KLHL28: variants seen among roughly 807,000 people sequenced by gnomAD.
KLHL28 encodes kelch like family member 28.
Under a neutral mutation model 48.3 loss-of-function variants are expected in KLHL28, and 22 were observed. That is an observed-to-expected ratio of 0.46 (90% CI 0.33 to 0.65). The LOEUF is 0.65. KLHL28 is among the 30% of genes least tolerant of loss of function. The pLI is 0.03. For synonymous variants in KLHL28, 243 were observed against 242.4 expected (o/e 1.00, Z -0.02); for missense variants, 527 against 704.3 (o/e 0.75, Z 2.85).
intron 1 of KLHL28, among the ~76,000 whole-genome samples, chr14:44,959,893 C>T (rs533135589): frequency 2.6e-5 from 4 of 151,994 alleles, no homozygotes; most frequent in Admixed American, 1.3e-4. Flanking sequence ...AGTCAATATA[C>T]GAGAAATTCC....
intron 1 of KLHL28, among the ~76,000 whole-genome samples, chr14:44,957,179 T>C (rs1884826931): frequency 6.6e-6 from 1 of 152,104 alleles, no homozygotes; most frequent in African/African-American, 2.4e-5. Context: ...TGCAAAATAA[T>C]AGGGGATGAG....
intron 4 of KLHL28, among the ~76,000 whole-genome samples, 170 bp downstream of exon 4, chr14:44,931,163 A>T (rs1285211089): frequency 6.6e-6 from 1 of 151,882 alleles, no homozygotes; most frequent in Non-Finnish European, 1.5e-5. Context: ...AGAAATCTAT[A>T]TACTTTTGTC....
At position 44,931,292 on chromosome 14, in the gene KLHL28, ACAT is replaced by A. The variant is rs766818040; in HGVS notation, c.1552+38_1552+40del. 5 of 1,323,084 alleles carry A rather than the reference ACAT, an allele frequency of 3.8e-6. No individual in the cohort carries two copies. The East Asian group carries it at 1.2e-4, about 31-fold the overall frequency. 82.0% of individuals were successfully genotyped at this position (1,323,084 alleles called of 1,614,324 possible). On this transcript the variant is annotated intron_variant, in intron 4 of 4. Transcript: ENST00000396128. The stretch of plus-strand genomic sequence containing the variant: ...TATTGCAAGCACATCATTATAGAAA[ACAT>A]TGCCTTACATGTTTAGAAATTAATA...
intron 1 of KLHL28, among the ~76,000 whole-genome samples, chr14:44,958,537 A>G (rs1884895601): frequency 6.6e-6 from 1 of 152,174 alleles, no homozygotes; most frequent in African/African-American, 2.4e-5. Context: ...TAATTCAACT[A>G]ATAATGGTAT....
Position 44,926,594 on chromosome 14 carries a change from C to T in KLHL28, c.*2434G>A, listed in dbSNP as rs1304309543. 6.6e-6 allele frequency: 1 copy of T among 152,102 alleles called. No individual in the cohort carries two copies. The highest frequency in any genetic ancestry group is 1.9e-4 in the East Asian group (1 of 5,170). The allele number at this position is 152,102 out of a possible 1,614,324, so 9.4% of individuals were successfully genotyped here. ...CAAGCTCGGCTCACTGCAACCTCTGCCTCCTGGGTTCAAGTGATTCTCCTG... is the reference window on the plus strand; with the variant it reads ...CAAGCTCGGCTCACTGCAACCTCTGTCTCCTGGGTTCAAGTGATTCTCCTG... On this transcript the variant is annotated 3_prime_UTR_variant, in exon 5 of 5. Coordinates refer to ENST00000396128, the MANE Select transcript of KLHL28 (RefSeq NM_017658.5).
At chr14:44,935,872 A>G (rs371729621) in intron 2 of KLHL28, among the ~76,000 whole-genome samples, 4 of 120,016 alleles carry the variant, frequency 3.3e-5, no homozygotes, top group Non-Finnish European at 6.8e-5. Flanking sequence ...GTGTATGTGT[A>G]TGTATATATA....
intron 4 of KLHL28, among the ~76,000 whole-genome samples, chr14:44,929,567 A>C (rs914137484): frequency 3.3e-5 from 5 of 152,346 alleles, no homozygotes; most frequent in Non-Finnish European, 7.3e-5. Flanking sequence ...ATAGGAAAAA[A>C]TATTACATAT....
At position 44,931,387 on chromosome 14, in the gene KLHL28, C is replaced by T. The variant is rs976868599; in HGVS notation, c.1498G>A (p.Asp500Asn). ...VSHLSSIERY[D>N]PHQNQWTVCR... ...ACAGTCCACTGATTTTGATGAGGATCGTATCTTTCAATGCTGGACAAATGT... is the reference window on the plus strand; with the variant it reads ...ACAGTCCACTGATTTTGATGAGGATTGTATCTTTCAATGCTGGACAAATGT... The change falls in exon 4 of 5, where the codon GAT (aspartate) becomes AAT (asparagine). Residue 500 changes from aspartate to asparagine, a missense_variant. Transcript: ENST00000396128. 7 of 1,613,916 alleles carry T rather than the reference C, an allele frequency of 4.3e-6. No homozygotes were observed. Among genetic ancestry groups the T allele is most frequent in the Non-Finnish European group, 5.9e-6 (7 of 1,179,922 alleles).
intron 4 of KLHL28, among the ~76,000 whole-genome samples, chr14:44,930,881 A>G (rs1316250098): frequency 6.6e-6 from 1 of 152,202 alleles, no homozygotes; most frequent in East Asian, 1.9e-4. Flanking sequence ...TTTTGTTTCT[A>G]CGAACTCTGA....
chr14:44,951,109 A>G (rs978340260), intron 1 of KLHL28, among the ~76,000 whole-genome samples: 2 of 152,272 alleles, frequency 1.3e-5, no homozygotes, highest in Admixed American at 6.5e-5. Flanking sequence ...GGCTGGCCCC[A>G]TGAAAACTAT....
chr14:44,952,663 AG>A (rs1316953237), intron 1 of KLHL28, among the ~76,000 whole-genome samples: 1 of 152,174 alleles, frequency 6.6e-6, no homozygotes, highest in African/African-American at 2.4e-5. Flanking sequence ...CCTCATCAGT[AG>A]CTGGGACTAC....
chr14:44,952,572 G>C (rs1407740601), intron 1 of KLHL28, among the ~76,000 whole-genome samples: 1 of 152,042 alleles, frequency 6.6e-6, no homozygotes, highest in Non-Finnish European at 1.5e-5. Flanking sequence ...GCCCAGGCTG[G>C]AGTGCAATGG....
intron 2 of KLHL28, among the ~76,000 whole-genome samples, chr14:44,942,338 C>A (rs1330040512): frequency 2.6e-5 from 4 of 152,168 alleles, no homozygotes; most frequent in African/African-American, 7.2e-5. Context: ...CATTCTCTAT[C>A]TTTACTACTT....
intron 1 of KLHL28, among the ~76,000 whole-genome samples, chr14:44,949,589 G>GT (rs1566575254): frequency 6.6e-6 from 1 of 151,910 alleles, no homozygotes; most frequent in Non-Finnish European, 1.5e-5. Flanking sequence ...CCAAGATGAA[G>GT]ATATTTTATG....
intron 1 of KLHL28, among the ~76,000 whole-genome samples, chr14:44,952,914 A>AC (rs1439548159): frequency 6.6e-6 from 1 of 152,126 alleles, no homozygotes; most frequent in African/African-American, 2.4e-5. Context: ...AAAAAAAAAA[A>AC]AAACAAACAC....
rs142049707 is a variant in KLHL28 at position 44,945,827 on chromosome 14, G to C, written c.102C>G (p.Leu34=). 4.2e-5 allele frequency: 68 copies of C among 1,614,042 alleles called. No individual in the cohort carries two copies. The highest frequency in any genetic ancestry group is 6.8e-6 in the Non-Finnish European group (8 of 1,180,012). The stretch of plus-strand genomic sequence containing the variant: ...CACCTACTCGAAGAATGATGTCACA[G>C]AGTTCGTGATGTTGGCGAAGAAGAT... The part of the protein sequence containing the change: ...GLNLLRQHHE[L]CDIILRVGDV... Residue 34 remains leucine (L), a synonymous_variant, in exon 2 of 5, where the codon CTC becomes CTG. Transcript: ENST00000396128.
intron 1 of KLHL28, among the ~76,000 whole-genome samples, chr14:44,953,223 G>A (rs566186694): frequency 6.6e-6 from 1 of 152,266 alleles, no homozygotes; most frequent in South Asian, 2.1e-4. Context: ...AAATAAATGT[G>A]TTGAGATAAC....
chr14:44,948,021 T>C (rs190385150), intron 1 of KLHL28, among the ~76,000 whole-genome samples: 62 of 152,312 alleles, frequency 4.1e-4, no homozygotes, highest in Admixed American at 3.1e-3. Context: ...TTCTGTTAGT[T>C]ATTCCAGTGT....
Position 44,928,987 on chromosome 14 carries a change from A to T in KLHL28, c.*41T>A. ...TGGGCCATCCGGATGTTCATGCAGT[A>T]CAAGTTTCACCACCATACTATTTCC... On this transcript the variant is annotated 3_prime_UTR_variant, in exon 5 of 5. Coordinates refer to ENST00000396128, the MANE Select transcript of KLHL28 (RefSeq NM_017658.5). The T allele has an allele frequency of 6.3e-7, 1 of 1,599,858 alleles. No homozygotes were observed. Among genetic ancestry groups the T allele is most frequent in the East Asian group, 2.2e-5 (1 of 44,712 alleles).
Sources: gnomAD v4.1 joint callset for allele counts (sites outside exome capture counted in the v4.1 genomes callset) on GRCh38, gnomAD v4.1.1 for gene constraint, MANE v1.5 for transcripts, NCBI Gene and HGNC (gene_info 2026-07-23, HGNC 2026-07-21) for gene names.